The following AKAP13 variants were observed in gnomAD, a reference collection of about 807,000 sequenced individuals.
The protein encoded by AKAP13 is A-kinase anchoring protein 13.
A neutral mutation model predicts 264.5 loss-of-function variants in AKAP13; 80 were observed. That is an observed-to-expected ratio of 0.30 (90% confidence interval 0.25 to 0.36). AKAP13 has a LOEUF of 0.36. Among genes scored for constraint, AKAP13 ranks in the 10% least tolerant of loss-of-function variants. The pLI, the probability that AKAP13 is intolerant of heterozygous loss-of-function variation, is 1.00. For synonymous variants in AKAP13, 1,380 were observed against 1,250.2 expected, an observed-to-expected ratio of 1.10 and a Z score of -2.19; for missense variants, 3,712 against 3,435.2, an observed-to-expected ratio of 1.08 and a Z score of -2.01.
intron 10 of AKAP13, among the ~76,000 whole-genome samples, chr15:85,648,922 T>TCATG (rs2082680999): frequency 3.3e-5 from 5 of 152,236 alleles, no homozygotes; most frequent in Non-Finnish European, 7.3e-5. Flanking sequence ...TTTCACCTCC[T>TCATG]CATGCATGCT....
intron 3 of AKAP13, among the ~76,000 whole-genome samples, chr15:85,523,721 A>G (rs2076915465): frequency 6.6e-6 from 1 of 152,148 alleles, no homozygotes; most frequent in African/African-American, 2.4e-5. Context: ...CATTTCACAC[A>G]TCCAGCTTCC....
intron 15 of AKAP13, 79 bp from the exon 16 acceptor site, chr15:85,684,662 A>G (rs1349759466): frequency 1.4e-6 from 2 of 1,470,830 alleles, no homozygotes; most frequent in African/African-American, 2.8e-5. Flanking sequence ...AGCAGCCTTC[A>G]TCTACCTTTT....
chr15:85,669,603 T>C, intron 13 of AKAP13, 119 bp from the exon 14 acceptor site: 1 of 662,760 alleles, frequency 1.5e-6, no homozygotes, highest in Non-Finnish European at 2.6e-6. Flanking sequence ...AGGCCTGTGC[T>C]CTCACCCGCT....
At chr15:85,640,103 G>T (rs2082242723) in intron 9 of AKAP13, among the ~76,000 whole-genome samples, 1 of 152,294 alleles carries the variant, frequency 6.6e-6, no homozygotes, top group South Asian at 2.1e-4. Flanking sequence ...ACCAGGTCCA[G>T]CCTCTAACTC....
chr15:85,733,119 C>G (rs956729183), intron 30 of AKAP13, among the ~76,000 whole-genome samples: 45 of 152,164 alleles, frequency 3.0e-4, no homozygotes, highest in Non-Finnish European at 3.1e-4. Context: ...ATATGTGAAG[C>G]TGATTCTCTA....
In AKAP13 at chr15:85,415,169, A is replaced by G. The variant is rs2072181635; in HGVS notation, c.-12+34371A>G. 22 of 976,100 alleles carry G rather than the reference A, an allele frequency of 2.3e-5. No homozygotes were observed. In the South Asian group the frequency reaches 2.6e-4, roughly 12 times the overall value. The allele number at this position is 976,100 out of a possible 1,614,324, so 60.5% of individuals were successfully genotyped here. ...CCTTTAAAAAAAAATGAGATGTGAC[A>G]GCACGCTGCCACGCCGACGCAGACC... is the stretch of plus-strand genomic sequence containing the variant. On this transcript the variant is annotated intron_variant, in intron 1 of 36. Transcript: ENST00000394518.
intron 1 of AKAP13, among the ~76,000 whole-genome samples, chr15:85,471,448 T>G (rs1358135118): frequency 6.6e-6 from 1 of 152,180 alleles, no homozygotes; most frequent in Non-Finnish European, 1.5e-5. Flanking sequence ...TGAGCTGAGA[T>G]GGTGCCACTA....
rs569238251 is a variant in AKAP13, at chr15:85,611,323, T to C, written c.4161+25500T>C. Reference sequence around the variant, plus strand: ...CTGCTCAGATATCTCTGAGATACCATGTCTCAGATTCACTGTGTCTAAAAG... The same window carrying C: ...CTGCTCAGATATCTCTGAGATACCACGTCTCAGATTCACTGTGTCTAAAAG... On this transcript the variant is annotated intron_variant, in intron 8 of 36. Transcript: ENST00000394518. Among the ~76,000 whole-genome samples the C allele has an allele frequency of 2.1e-4, 32 of 152,306 alleles. No individual in the cohort carries two copies. The South Asian group carries it at 6.6e-3, about 32-fold the overall frequency.
chr15:85,509,625 T>G (rs3886250), intron 2 of AKAP13, among the ~76,000 whole-genome samples: 37,648 of 152,140 alleles, frequency 0.25, 6,148 homozygotes, highest in Middle Eastern at 0.41. Context: ...TCTAGAGCAC[T>G]CCACTAAATT....
chr15:85,743,319 G>C (rs775465004), intron 35 of AKAP13, among the ~76,000 whole-genome samples, 173 bp from the exon 36 acceptor site: 11 of 152,190 alleles, frequency 7.2e-5, no homozygotes, highest in Admixed American at 2.6e-4. Context: ...GGGGAGGGCA[G>C]CTAATGAAAC....
At position 85,674,473 on chromosome 15, in the gene AKAP13, A is replaced by G. The variant is rs117192813; in HGVS notation, c.5101+4643A>G. Among the ~76,000 whole-genome samples the G allele has an allele frequency of 6.4e-3, 973 of 152,320 alleles. 2 individuals are homozygous for G. The highest frequency in any genetic ancestry group is 9.6e-3 in the Admixed American group (147 of 15,298). ...ATCTGAAATACTTCTGACCCCAAGC[A>G]TTTCAGAAGGAATACTCTGTGTGTA... On this transcript the variant is annotated intron_variant, in intron 14 of 36. Coordinates refer to ENST00000394518, the MANE Select transcript of AKAP13 (RefSeq NM_007200.5).
chr15:85,391,502 T>A (rs1036873948), intron 1 of AKAP13, among the ~76,000 whole-genome samples: 5 of 151,242 alleles, frequency 3.3e-5, no homozygotes, highest in Admixed American at 6.6e-5. Flanking sequence ...TTTTTTTTTT[T>A]AAGACAGGGT....
At chr15:85,511,883 T>C (rs1271902234) in intron 2 of AKAP13, among the ~76,000 whole-genome samples, 2 of 152,318 alleles carry the variant, frequency 1.3e-5, no homozygotes, top group East Asian at 3.9e-4. Flanking sequence ...CTTTTAACTT[T>C]CTCACATTGT....
chr15:85,412,219 C>G (rs527480281), intron 1 of AKAP13, among the ~76,000 whole-genome samples: 3 of 152,308 alleles, frequency 2.0e-5, no homozygotes, highest in South Asian at 2.1e-4. Flanking sequence ...CACATTGTGA[C>G]TAACTCTTTA....
intron 29 of AKAP13, 152 bp from the exon 30 acceptor site, chr15:85,730,361 T>C (rs2087914467): frequency 1.4e-6 from 1 of 703,710 alleles, no homozygotes. Context: ...ACAATATTGC[T>C]GTCTTGATGA....
At chr15:85,431,687 A>G (rs912039541) in intron 1 of AKAP13, among the ~76,000 whole-genome samples, 4 of 152,184 alleles carry the variant, frequency 2.6e-5, no homozygotes, top group African/African-American at 4.8e-5. Context: ...GCTTTTAGGT[A>G]GTAACTTCAA....
intron 17 of AKAP13, among the ~76,000 whole-genome samples, chr15:85,695,630 A>T (rs2085524391): frequency 6.6e-6 from 1 of 152,208 alleles, no homozygotes; most frequent in African/African-American, 2.4e-5. Flanking sequence ...GTAGTCAGCA[A>T]CACTATTTGT....
intron 5 of AKAP13, among the ~76,000 whole-genome samples, chr15:85,549,675 C>T (rs1204946585): frequency 6.6e-6 from 1 of 152,144 alleles, no homozygotes; most frequent in Non-Finnish European, 1.5e-5. Context: ...TGCCAAGGCC[C>T]ATATTCTTCC....
chr15:85,425,395 T>G lies in AKAP13; in HGVS notation c.-12+44597T>G, dbSNP rs545231823. Among the ~76,000 whole-genome samples, 185 of 152,288 alleles carry G rather than the reference T, an allele frequency of 1.2e-3. 2 individuals carry two copies. Among genetic ancestry groups the G allele is most frequent in the African/African-American group, 4.3e-3 (177 of 41,566 alleles). ...AACAGTTTTGGGAATGTCAAACTAATTTTTTCATTTTAAGATTCCTCTAAG... is the reference window on the plus strand; with the variant it reads ...AACAGTTTTGGGAATGTCAAACTAAGTTTTTCATTTTAAGATTCCTCTAAG... On this transcript the variant is annotated intron_variant, in intron 1 of 36. Transcript: ENST00000394518.
Sources: gnomAD v4.1 joint callset for allele counts (sites outside exome capture counted in the v4.1 genomes callset) on GRCh38, gnomAD v4.1.1 for gene constraint, MANE v1.5 for transcripts, NCBI Gene and HGNC (gene_info 2026-07-23, HGNC 2026-07-21) for gene names.